Variants in TENM1 observed in about 807,000 individuals in gnomAD.
TENM1 encodes teneurin transmembrane protein 1.
Under a neutral mutation model 174.8 loss-of-function variants are expected in TENM1, and 35 were observed. That is an observed-to-expected ratio of 0.20 (90% CI 0.15 to 0.27). TENM1 has a LOEUF of 0.27. Ranked by LOEUF, TENM1 falls within the 10% of genes least tolerant of loss-of-function variation. The pLI, the probability that TENM1 is intolerant of heterozygous loss-of-function variation, is 1.00. For synonymous variants in TENM1, 781 were observed against 798.7 expected (o/e 0.98, Z 0.37); for missense variants, 1,633 against 2,130.1 (o/e 0.77, Z 4.59).
intron 3 of TENM1, among the ~76,000 whole-genome samples, chrX:124,750,355 AC>A (rs2054033170): frequency 1.8e-5 from 2 of 111,575 alleles, no homozygotes; most frequent in Non-Finnish European, 3.8e-5. Context: ...CAAATTAGAG[AC>A]TTTTTATAAC....
chrX:124,866,630 A>C (rs1835487734), intron 3 of TENM1, among the ~76,000 whole-genome samples: 2 of 111,395 alleles, frequency 1.8e-5, no homozygotes, highest in South Asian at 7.5e-4. Context: ...CAAACCCAAA[A>C]TCAGTAGAAG....
the TENM1 span, among the ~76,000 whole-genome samples, chrX:125,096,456 G>T: frequency 8.9e-6 from 1 of 111,983 alleles, no homozygotes; most frequent in Non-Finnish European, 1.9e-5. Context: ...ATGTTTTCTT[G>T]GAGAAAGAGT....
intron 11 of TENM1, among the ~76,000 whole-genome samples, chrX:124,638,319 A>G (rs1274429203): frequency 9.0e-6 from 1 of 111,345 alleles, no homozygotes; most frequent in African/African-American, 3.3e-5. Context: ...CTCTCAGTAC[A>G]TTGAATTTAA....
chrX:125,156,029 G>A, the TENM1 span, among the ~76,000 whole-genome samples: 1 of 112,608 alleles, frequency 8.9e-6, no homozygotes, highest in East Asian at 2.8e-4. Flanking sequence ...CTCTCAGTAG[G>A]AGCAAGAAGG....
At chrX:124,984,254 T>C in the TENM1 span, among the ~76,000 whole-genome samples, 2 of 112,087 alleles carry the variant, frequency 1.8e-5, no homozygotes, top group South Asian at 7.4e-4. Flanking sequence ...AAATCTATTC[T>C]TCTCTTTCAT....
rs191261399 is a variant in TENM1, at chrX:124,637,145, A to G, written c.2077+4646T>C. Among the ~76,000 whole-genome samples, 300 of 104,182 alleles carry G rather than the reference A, an allele frequency of 2.9e-3. 2 individuals are homozygous for G. Among genetic ancestry groups the G allele is most frequent in the Non-Finnish European group, 4.3e-3 (223 of 51,313 alleles). The allele number at this position is 104,182 out of a possible 115,157, so 90.5% of individuals were successfully genotyped here. ...GCTCTTGTTGCCCAGGCTGGAGCGC[A>G]GTGGCACGATCTCAGCTCACTGCAA... is the stretch of plus-strand genomic sequence containing the variant. On this transcript the variant is annotated intron_variant, in intron 11 of 31. Coordinates refer to ENST00000422452, the Ensembl canonical transcript of TENM1.
intron 11 of TENM1, among the ~76,000 whole-genome samples, chrX:124,569,419 A>G (rs1349005502): frequency 1.8e-5 from 2 of 112,161 alleles, no homozygotes; most frequent in African/African-American, 3.2e-5. Flanking sequence ...TAATTGATAC[A>G]TACAAAACAC....
At chrX:124,804,583 C>T (rs1239463024) in intron 3 of TENM1, among the ~76,000 whole-genome samples, 1 of 111,655 alleles carries the variant, frequency 9.0e-6, no homozygotes, top group Non-Finnish European at 1.9e-5. Context: ...AAATGACTTC[C>T]AATAACAAAA....
chrX:124,471,217 TATA>T (rs765469488), intron 22 of TENM1, among the ~76,000 whole-genome samples: 479 of 46,580 alleles, frequency 0.01, 11 homozygotes, highest in African/African-American at 0.027. Context: ...TACTATATAT[TATA>T]ATATATAGTA....
At chrX:124,474,293 T>A (rs922558357) in intron 22 of TENM1, among the ~76,000 whole-genome samples, 1 of 111,615 alleles carries the variant, frequency 9.0e-6, no homozygotes, top group Non-Finnish European at 1.9e-5. Flanking sequence ...GCACTATTAC[T>A]AGTTTTCCAA....
At chrX:125,126,452 C>T in the TENM1 span, among the ~76,000 whole-genome samples, 5 of 111,051 alleles carry the variant, frequency 4.5e-5, no homozygotes, top group Non-Finnish European at 7.5e-5. Flanking sequence ...GCCTTTGAAG[C>T]ATTTTATAAC....
the TENM1 span, among the ~76,000 whole-genome samples, chrX:124,983,895 A>G: frequency 9.0e-6 from 1 of 111,599 alleles, no homozygotes; most frequent in African/African-American, 3.3e-5. Context: ...GATTACAAGC[A>G]TGAACCACTG....
intron 25 of TENM1, among the ~76,000 whole-genome samples, chrX:124,406,912 A>C (rs1161448517): frequency 9.0e-6 from 1 of 111,620 alleles, no homozygotes; most frequent in East Asian, 2.8e-4. Flanking sequence ...AAGGCTGAGA[A>C]GCCAATATAC....
the TENM1 span, among the ~76,000 whole-genome samples, chrX:125,047,267 T>C: frequency 9.0e-6 from 1 of 111,700 alleles, no homozygotes; most frequent in Non-Finnish European, 1.9e-5. Flanking sequence ...GTTTGAAGCT[T>C]ATACAGTACG....
At chrX:125,040,025 CTG>C in the TENM1 span, among the ~76,000 whole-genome samples, 2 of 111,608 alleles carry the variant, frequency 1.8e-5, no homozygotes, top group African/African-American at 3.2e-5. Context: ...CATTATAATT[CTG>C]TCTTTGACCA....
At chrX:125,105,359 T>C in the TENM1 span, among the ~76,000 whole-genome samples, 3 of 111,317 alleles carry the variant, frequency 2.7e-5, no homozygotes, top group Non-Finnish European at 5.7e-5. Flanking sequence ...TCAAAATTTC[T>C]TATTAAACAC....
chrX:124,588,804 T>A (rs1158681747), intron 11 of TENM1, among the ~76,000 whole-genome samples: 1 of 111,729 alleles, frequency 9.0e-6, no homozygotes, highest in African/African-American at 3.3e-5. Flanking sequence ...TTTGGCAGAG[T>A]CTTTAGGGTT....
At chrX:124,558,950 A>G (rs1001895149) in intron 14 of TENM1, among the ~76,000 whole-genome samples, 1 of 111,947 alleles carries the variant, frequency 8.9e-6, no homozygotes, top group Non-Finnish European at 1.9e-5. Context: ...GTTCAGTGAA[A>G]TCTTCTATGT....
chrX:124,721,312 T>C (rs1162662499), intron 4 of TENM1, among the ~76,000 whole-genome samples: 1 of 111,565 alleles, frequency 9.0e-6, no homozygotes, highest in Non-Finnish European at 1.9e-5. Flanking sequence ...CAATAACAAC[T>C]CAAGCTTAAA....
Sources: allele counts gnomAD v4.1 joint callset (sites outside exome capture counted in the v4.1 genomes callset), GRCh38; gene constraint gnomAD v4.1.1; transcripts MANE v1.5; gene names NCBI Gene and HGNC (gene_info 2026-07-23, HGNC 2026-07-21).